Variants in ISM1 observed in about 807,000 individuals in gnomAD.
The protein encoded by ISM1 is isthmin 1, also known as isthmin-1.
Under a neutral mutation model 46.3 loss-of-function variants are expected in ISM1, and 25 were observed. The ratio of observed to expected loss-of-function variants is 0.54; its 90% CI spans 0.39 to 0.75. The LOEUF (loss-of-function observed/expected upper bound fraction) is 0.75. ISM1 is among the 30% of genes least tolerant of loss of function. The probability of loss-of-function intolerance (pLI) is 0.00; values close to 1 mark genes in which losing one functional copy is unlikely to be tolerated. For synonymous variants in ISM1, 255 were observed against 256.7 expected (o/e 0.99, Z 0.06); for missense variants, 536 against 625.4 (o/e 0.86, Z 1.52).
intron 1 of ISM1, among the ~76,000 whole-genome samples, chr20:13,263,769 G>T (rs543601003): frequency 1.3e-5 from 2 of 152,200 alleles, no homozygotes; most frequent in Non-Finnish European, 2.9e-5. Flanking sequence ...AACAAGCATT[G>T]TCGATAATAA....
intron 1 of ISM1, among the ~76,000 whole-genome samples, chr20:13,254,751 G>C (rs1322157765): frequency 6.6e-6 from 1 of 152,254 alleles, no homozygotes; most frequent in Non-Finnish European, 1.5e-5. Flanking sequence ...CAGGAACAGA[G>C]CCAGGGAGAA....
chr20:13,275,451 C>T (rs2040167796), intron 2 of ISM1, among the ~76,000 whole-genome samples: 1 of 152,196 alleles, frequency 6.6e-6, no homozygotes, highest in Admixed American at 6.5e-5. Flanking sequence ...AGAGACAAGC[C>T]TGTTCGGCTC....
the ISM1 span, among the ~76,000 whole-genome samples, chr20:13,324,901 T>G: frequency 6.6e-6 from 1 of 152,240 alleles, no homozygotes; most frequent in Admixed American, 6.5e-5. Flanking sequence ...GACTTGCTCA[T>G]GCAGCTGAAG....
Position 13,221,873 on chromosome 20 carries a change from C to G in ISM1, c.97C>G (p.Pro33Ala). Residue 33 changes from proline (P) to alanine (A), a missense_variant, in exon 1 of 6, where the codon CCC (proline) becomes GCC (alanine). By Grantham distance (27) the Pro-to-Ala change is conservative (BLOSUM62 -1). Coordinates refer to ENST00000262487, the MANE Select transcript of ISM1 (RefSeq NM_080826.2). ...GCGCGGCTCGGGAGCCGCCGACGGG[C>G]CCGACGCGGCCGCGGGCAACGCCAG... is the stretch of plus-strand genomic sequence containing the variant. ...VLRGSGAADG[P>A]DAAAGNASQA... 7.1e-7 allele frequency: 1 copy of G among 1,414,566 alleles called. No individual in the cohort carries two copies. Among genetic ancestry groups the G allele is most frequent in the Non-Finnish European group, 9.2e-7 (1 of 1,090,036 alleles). The allele number at this position is 1,414,566 out of a possible 1,614,324, so 87.6% of individuals were successfully genotyped here. A position where few individuals can be genotyped will look rare whatever the true frequency, so the allele number is the denominator to read the frequency against.
At chr20:13,274,578 C>T (rs1040099003) in intron 2 of ISM1, among the ~76,000 whole-genome samples, 6 of 152,312 alleles carry the variant, frequency 3.9e-5, no homozygotes, top group Non-Finnish European at 8.8e-5. Context: ...GTGTTTCCCA[C>T]GCTCCAGGGC....
chr20:13,302,597 G>C (rs2040468332), downstream of ISM1, among the ~76,000 whole-genome samples: 1 of 152,184 alleles, frequency 6.6e-6, no homozygotes, highest in Non-Finnish European at 1.5e-5. Flanking sequence ...GCAGAGTAAG[G>C]AATGAGCAAG....
intron 1 of ISM1, among the ~76,000 whole-genome samples, chr20:13,225,934 CATAGGCAATA>C (rs1222955630): frequency 2.0e-5 from 3 of 151,880 alleles, no homozygotes; most frequent in African/African-American, 7.3e-5. Flanking sequence ...ATATAGAATC[CATAGGCAATA>C]ATAGTACTAA....
intron 1 of ISM1, among the ~76,000 whole-genome samples, chr20:13,226,719 C>A (rs2039529485): frequency 1.3e-5 from 2 of 152,170 alleles, no homozygotes; most frequent in South Asian, 4.1e-4. Context: ...CTTAAGGAGT[C>A]TAGCTCATAT....
chr20:13,281,585 C>T (rs1399741576), intron 3 of ISM1, among the ~76,000 whole-genome samples: 1 of 152,180 alleles, frequency 6.6e-6, no homozygotes, highest in Non-Finnish European at 1.5e-5. Context: ...CTGAGATTCA[C>T]CCCAGGCAGT....
rs1056380518 is a variant in ISM1, at chr20:13,221,635, G to A, written c.-142G>A. On this transcript the variant is annotated 5_prime_UTR_variant, in exon 1 of 6. Transcript: ENST00000262487. ...CCGCCGCGCCCAGCGCCAGCCCCGC[G>A]GGCCCGGGAAGCGGAGCCCTGGCGG... 4 of 604,692 alleles carry A rather than the reference G, an allele frequency of 6.6e-6. No individual in the cohort carries two copies. Among genetic ancestry groups the A allele is most frequent in the African/African-American group, 2.0e-5 (1 of 50,140 alleles). The allele number at this position is 604,692 out of a possible 1,614,324, so 37.5% of individuals were successfully genotyped here.
At position 13,221,864 on chromosome 20, in the gene ISM1, G is replaced by T; in HGVS notation, c.88G>T (p.Ala30Ser). The T allele has an allele frequency of 7.0e-7, 1 of 1,428,012 alleles. No individual in the cohort carries two copies. Among genetic ancestry groups the T allele is most frequent in the Non-Finnish European group, 9.1e-7 (1 of 1,095,722 alleles). The allele number at this position is 1,428,012 out of a possible 1,614,324, so 88.5% of individuals were successfully genotyped here. A position where few individuals can be genotyped will look rare whatever the true frequency, so the allele number is the denominator to read the frequency against. ...HITVLRGSGA[A>S]DGPDAAAGNA... ...CACCGTGCTGCGCGGCTCGGGAGCC[G>T]CCGACGGGCCCGACGCGGCCGCGGG... The change falls in exon 1 of 6, where the codon GCC (alanine) becomes TCC (serine). Residue 30 changes from alanine (A) to serine (S), a missense_variant. Coordinates refer to ENST00000262487, the MANE Select transcript of ISM1 (RefSeq NM_080826.2).
chr20:13,276,716 T>C (rs755055088), intron 2 of ISM1, among the ~76,000 whole-genome samples: 1 of 152,236 alleles, frequency 6.6e-6, no homozygotes, highest in Non-Finnish European at 1.5e-5. Flanking sequence ...ACATTGATCA[T>C]TGTTCAAGAC....
intron 1 of ISM1, chr20:13,239,158 G>T (rs907093373): frequency 1.3e-5 from 2 of 152,200 alleles, no homozygotes; most frequent in African/African-American, 4.8e-5. Context: ...TCTAAACATT[G>T]AACAGCAGGT....
chr20:13,257,966 CT>C (rs1337787722), intron 1 of ISM1, among the ~76,000 whole-genome samples: 9 of 152,088 alleles, frequency 5.9e-5, no homozygotes, highest in African/African-American at 2.2e-4. Flanking sequence ...TCATAGCCTA[CT>C]TACTATCTAG....
At chr20:13,287,421 G>A (rs944571175) in intron 3 of ISM1, among the ~76,000 whole-genome samples, 1 of 152,108 alleles carries the variant, frequency 6.6e-6, no homozygotes, top group Non-Finnish European at 1.5e-5. Context: ...TGACACATAG[G>A]AATTATTACA....
At chr20:13,274,248 C>A (rs1350083459) in intron 2 of ISM1, among the ~76,000 whole-genome samples, 1 of 152,160 alleles carries the variant, frequency 6.6e-6, no homozygotes. Context: ...CTCACCCCTT[C>A]CTCAGAGCAC....
chr20:13,292,134 T>C (rs778644092), intron 4 of ISM1, among the ~76,000 whole-genome samples: 2 of 152,220 alleles, frequency 1.3e-5, no homozygotes, highest in Non-Finnish European at 1.5e-5. Context: ...AGTGAGTTCC[T>C]AGGACTTATT....
At chr20:13,253,216 C>A (rs1487842154) in intron 1 of ISM1, among the ~76,000 whole-genome samples, 1 of 152,188 alleles carries the variant, frequency 6.6e-6, no homozygotes, top group Non-Finnish European at 1.5e-5. Context: ...GGTTTTTGAT[C>A]TTCTCACCCT....
chr20:13,322,653 T>A, the ISM1 span, among the ~76,000 whole-genome samples: 1 of 152,174 alleles, frequency 6.6e-6, no homozygotes, highest in Non-Finnish European at 1.5e-5. Flanking sequence ...GACCCAGTGA[T>A]ACAGACAGAC....
Sources: gnomAD v4.1 joint callset for allele counts (sites outside exome capture counted in the v4.1 genomes callset) on GRCh38, gnomAD v4.1.1 for gene constraint, MANE v1.5 for transcripts, NCBI Gene and HGNC (gene_info 2026-07-23, HGNC 2026-07-21) for gene names.